Variants in NKAIN3 observed in about 807,000 individuals in gnomAD.
The protein encoded by NKAIN3 is sodium/potassium-transporting ATPase subunit beta-1-interacting protein 3.
NKAIN3 carries 25 observed loss-of-function variants against 30.2 expected under a neutral mutation model. The observed-to-expected ratio is 0.83, with a 90% CI of 0.60 to 1.16. The LOEUF is 1.16. Ranked by LOEUF, NKAIN3 falls within the 50% of genes most tolerant of loss-of-function variation. The pLI is 0.00. For missense variants in NKAIN3, 225 were observed against 254.1 expected, an observed-to-expected ratio of 0.89 and a Z score of 0.78; for synonymous variants, 91 against 89.6, an observed-to-expected ratio of 1.02 and a Z score of -0.09.
At chr8:62,663,774 T>A (rs1490886371) in intron 3 of NKAIN3, among the ~76,000 whole-genome samples, 1 of 152,150 alleles carries the variant, frequency 6.6e-6, no homozygotes, top group Non-Finnish European at 1.5e-5. Flanking sequence ...TGTGGGACAG[T>A]AATACAAAAG....
intron 5 of NKAIN3, among the ~76,000 whole-genome samples, chr8:62,952,938 A>G (rs752045481): frequency 6.6e-6 from 1 of 152,180 alleles, no homozygotes; most frequent in Non-Finnish European, 1.5e-5. Context: ...TTGATTTGAG[A>G]AGTCTTACAA....
chr8:62,873,099 C>T (rs1030224984), intron 4 of NKAIN3, among the ~76,000 whole-genome samples: 15 of 152,130 alleles, frequency 9.9e-5, no homozygotes, highest in African/African-American at 2.4e-4. Context: ...AGAGACCCAT[C>T]CTGTGTGCAG....
intron 1 of NKAIN3, among the ~76,000 whole-genome samples, chr8:62,335,992 G>C (rs578223272): frequency 1.3e-5 from 2 of 152,140 alleles, no homozygotes; most frequent in Admixed American, 1.3e-4. Flanking sequence ...CATATATTAT[G>C]ATTTCTATAA....
intron 5 of NKAIN3, among the ~76,000 whole-genome samples, chr8:62,938,724 C>A (rs1052870883): frequency 2.6e-5 from 4 of 152,162 alleles, no homozygotes; most frequent in East Asian, 1.9e-4. Context: ...CAAGGCAGCA[C>A]CCCATGAAAC....
rs1290867127 is a variant in NKAIN3, at chr8:62,249,143, G to A, written c.54+16G>A. The A allele has an allele frequency of 6.5e-7, 1 of 1,529,460 alleles. No individual in the cohort carries two copies. The highest frequency in any genetic ancestry group is 8.8e-7 in the Non-Finnish European group (1 of 1,140,244). The allele number at this position is 1,529,460 out of a possible 1,614,324, so 94.7% of individuals were successfully genotyped here. On this transcript the variant is annotated intron_variant, in intron 1 of 6. Transcript: ENST00000623646. ...GCTGCAGTTGGTGAGTGCCCCGAGG[G>A]CCCCTGCCCCAGGACAGGTCCCTGC... is the stretch of plus-strand genomic sequence containing the variant.
At position 62,976,574 on chromosome 8, in the gene NKAIN3, G is replaced by C. The variant is rs1402233221; in HGVS notation, c.*11167G>C. ...CCATCCTTTTATTTTGAGCCTATGT[G>C]TGTCTTTGCACATGAGATGGGTCTC... On this transcript the variant is annotated 3_prime_UTR_variant, in exon 7 of 7. Transcript: ENST00000623646. 6.6e-6 allele frequency among the ~76,000 whole-genome samples: 1 copy of C among 152,088 alleles called. No individual in the cohort carries two copies. The highest frequency in any genetic ancestry group is 1.5e-5 in the Non-Finnish European group (1 of 68,026).
chr8:62,396,187 G>A (rs1817757009), intron 1 of NKAIN3, among the ~76,000 whole-genome samples: 1 of 152,094 alleles, frequency 6.6e-6, no homozygotes. Context: ...CACTTTCTTA[G>A]AGCTGCTTTA....
At chr8:62,764,685 A>G (rs2130623638) in intron 4 of NKAIN3, among the ~76,000 whole-genome samples, 1 of 152,274 alleles carries the variant, frequency 6.6e-6, no homozygotes, top group East Asian at 1.9e-4. Flanking sequence ...GGCTTGAAAT[A>G]AGTGCATTTT....
At chr8:62,580,801 A>G (rs1301850153) in intron 2 of NKAIN3, among the ~76,000 whole-genome samples, 1 of 151,960 alleles carries the variant, frequency 6.6e-6, no homozygotes, top group Non-Finnish European at 1.5e-5. Context: ...TCTCTTAGAA[A>G]TAGCCTCAAC....
intron 6 of NKAIN3, among the ~76,000 whole-genome samples, chr8:62,958,654 T>G (rs1268394150): frequency 6.6e-6 from 1 of 152,116 alleles, no homozygotes; most frequent in Non-Finnish European, 1.5e-5. Flanking sequence ...AAAAATAGCA[T>G]GGCATAAACA....
At chr8:62,867,477 A>T (rs1468250136) in intron 4 of NKAIN3, among the ~76,000 whole-genome samples, 1 of 152,208 alleles carries the variant, frequency 6.6e-6, no homozygotes, top group Non-Finnish European at 1.5e-5. Flanking sequence ...AAAAAGACAC[A>T]CCAGAAAGTC....
At chr8:62,862,167 A>G (rs561545413) in intron 4 of NKAIN3, among the ~76,000 whole-genome samples, 1 of 152,230 alleles carries the variant, frequency 6.6e-6, no homozygotes, top group Non-Finnish European at 1.5e-5. Context: ...TAAAGCAGTA[A>G]AAACATTATT....
intron 4 of NKAIN3, among the ~76,000 whole-genome samples, chr8:62,838,149 G>A (rs765489144): frequency 6.7e-6 from 1 of 149,702 alleles, no homozygotes; most frequent in African/African-American, 2.5e-5. Flanking sequence ...GTGTGTGTGT[G>A]TGTATATAAA....
intron 1 of NKAIN3, among the ~76,000 whole-genome samples, chr8:62,274,463 G>A (rs2129393890): frequency 6.6e-6 from 1 of 152,188 alleles, no homozygotes; most frequent in Admixed American, 6.6e-5. Context: ...AGACTTGAAT[G>A]CATCTAAGGC....
intron 1 of NKAIN3, among the ~76,000 whole-genome samples, chr8:62,444,582 T>G (rs529984126): frequency 2.0e-5 from 3 of 152,198 alleles, no homozygotes; most frequent in Non-Finnish European, 4.4e-5. Flanking sequence ...AATATTCCAT[T>G]AGGTATATAT....
chr8:62,262,869 A>G (rs1223862933), intron 1 of NKAIN3, among the ~76,000 whole-genome samples: 1 of 152,190 alleles, frequency 6.6e-6, no homozygotes, highest in African/African-American at 2.4e-5. Context: ...CACACTTTTT[A>G]ACTCCTTCCC....
intron 3 of NKAIN3, among the ~76,000 whole-genome samples, chr8:62,673,618 C>T (rs1030645402): frequency 1.3e-5 from 2 of 152,178 alleles, no homozygotes; most frequent in Non-Finnish European, 2.9e-5. Flanking sequence ...GCAATTTCAT[C>T]ATTATGCAGT....
chr8:62,579,410 C>T, intron 1 of NKAIN3, 129 bp from the exon 2 acceptor site: 3 of 621,902 alleles, frequency 4.8e-6, no homozygotes, highest in Non-Finnish European at 7.9e-6. Flanking sequence ...AATGAAAATT[C>T]TAATAATAAC....
At chr8:62,312,469 G>C (rs1282892970) in intron 1 of NKAIN3, among the ~76,000 whole-genome samples, 2 of 150,460 alleles carry the variant, frequency 1.3e-5, no homozygotes, top group African/African-American at 5.0e-5. Context: ...TTTGGGAAAA[G>C]AGAGACAGGC....
Sources: allele counts gnomAD v4.1 joint callset (sites outside exome capture counted in the v4.1 genomes callset), GRCh38; gene constraint gnomAD v4.1.1; transcripts MANE v1.5; gene names NCBI Gene and HGNC (gene_info 2026-07-23, HGNC 2026-07-21).